Variants in NSD1 observed in about 807,000 individuals in gnomAD.
NSD1 encodes the protein nuclear receptor binding SET domain protein 1.
Under a neutral mutation model 242.7 loss-of-function variants are expected in NSD1, and 26 were observed. That is an observed-to-expected ratio of 0.11 (90% CI 0.08 to 0.15). The LOEUF (loss-of-function observed/expected upper bound fraction) is 0.15, where lower values mean the gene tolerates loss of function less well. NSD1 is among the 10% of genes least tolerant of loss of function. NSD1 has a pLI of 1.00. For synonymous variants in NSD1, 1,106 were observed against 1,178.1 expected (o/e 0.94, Z 1.25); for missense variants, 2,495 against 3,272.8 (o/e 0.76, Z 5.80).
intron 5 of NSD1, among the ~76,000 whole-genome samples, chr5:177,233,366 G>A (rs1454380789): frequency 6.6e-6 from 1 of 151,762 alleles, no homozygotes; most frequent in Non-Finnish European, 1.5e-5. Flanking sequence ...GCTGCACCCA[G>A]CCCCAAGGCA....
intron 2 of NSD1, among the ~76,000 whole-genome samples, chr5:177,177,510 CCAAAAACAA>C (rs1276994823): frequency 6.6e-6 from 1 of 151,626 alleles, no homozygotes; most frequent in Non-Finnish European, 1.5e-5. Context: ...ACTCTTTCTC[CCAAAAACAA>C]CAAAAAACAA....
Position 177,294,125 on chromosome 5 carries a change from A to C in NSD1, c.6757A>C (p.Lys2253Gln). Reference sequence around the variant, plus strand: ...TGCTCAGGCACCCAAAATGTCAGATAAACCTCCTGCTGACACCAACCAGAT... The same window carrying C: ...TGCTCAGGCACCCAAAATGTCAGATCAACCTCCTGCTGACACCAACCAGAT... The part of the protein sequence containing the change: ...MAAQAPKMSD[K>Q]PPADTNQMLS... Residue 2253 changes from lysine to glutamine, a missense_variant, in exon 23 of 23, where the codon AAA (lysine) becomes CAA (glutamine). By Grantham distance (53) the Lys-to-Gln change is moderately conservative. Transcript: ENST00000439151. 6.2e-7 allele frequency: 1 copy of C among 1,614,106 alleles called. No homozygotes were observed. Among genetic ancestry groups the C allele is most frequent in the Non-Finnish European group, 8.5e-7 (1 of 1,180,010 alleles).
chr5:177,264,139 G>A (rs939972241), intron 14 of NSD1, among the ~76,000 whole-genome samples: 15 of 147,876 alleles, frequency 1.0e-4, no homozygotes, highest in African/African-American at 2.8e-4. Context: ...GGGTTCAAGC[G>A]ATCCTCCTGC....
At chr5:177,244,892 G>A (rs1453919109) in intron 9 of NSD1, among the ~76,000 whole-genome samples, 1 of 152,172 alleles carries the variant, frequency 6.6e-6, no homozygotes, top group African/African-American at 2.4e-5. Context: ...CAATTTGCTT[G>A]TAAGATTTAA....
chr5:177,235,763 AAC>A, intron 5 of NSD1, 56 bp from the exon 6 acceptor site: 4 of 1,612,464 alleles, frequency 2.5e-6, no homozygotes, highest in Non-Finnish European at 2.5e-6. Context: ...GTCTCATAAA[AAC>A]AGTGGGTTTT....
intron 2 of NSD1, among the ~76,000 whole-genome samples, chr5:177,189,018 G>A (rs1761465726): frequency 6.6e-6 from 1 of 152,062 alleles, no homozygotes; most frequent in African/African-American, 2.4e-5. Flanking sequence ...ACTCCAGCCT[G>A]GGAGGCAGAG....
chr5:177,152,825 T>C (rs1757838828), intron 2 of NSD1, among the ~76,000 whole-genome samples: 1 of 151,252 alleles, frequency 6.6e-6, no homozygotes, highest in South Asian at 2.1e-4. Flanking sequence ...GCTGAAATTA[T>C]AGGCGTGTGC....
chr5:177,163,242 A>C (rs1363165835), intron 2 of NSD1, among the ~76,000 whole-genome samples: 1 of 150,894 alleles, frequency 6.6e-6, no homozygotes, highest in Non-Finnish European at 1.5e-5. Flanking sequence ...TACTGGGTTC[A>C]AGTGATTCTC....
At chr5:177,158,323 T>TCTTTC (rs1758370122) in intron 2 of NSD1, among the ~76,000 whole-genome samples, 1 of 149,990 alleles carries the variant, frequency 6.7e-6, no homozygotes, top group South Asian at 2.1e-4. Context: ...TTCTTTCTTT[T>TCTTTC]CTTTCTTTTC....
At chr5:177,145,521 C>T (rs1002133834) in intron 2 of NSD1, among the ~76,000 whole-genome samples, 27 of 152,144 alleles carry the variant, frequency 1.8e-4, no homozygotes, top group African/African-American at 6.3e-4. Context: ...TGGCTTCAGG[C>T]AATTCTCCTA....
At chr5:177,215,519 A>G (rs1167931118) in intron 5 of NSD1, among the ~76,000 whole-genome samples, 1 of 151,474 alleles carries the variant, frequency 6.6e-6, no homozygotes, top group African/African-American at 2.4e-5. Flanking sequence ...GCATTGGTGG[A>G]ACATAGGGTA....
rs745357119 is a variant in NSD1 at position 177,260,140 on chromosome 5, T to C, written c.5118T>C (p.Asn1706=). 7 of 1,614,124 alleles carry C rather than the reference T, an allele frequency of 4.3e-6. 1 individual carries two copies. The South Asian group carries it at 7.7e-5, about 18-fold the overall frequency. ...RRGCRNHEHV[N]VSWCFVCSEG... The stretch of plus-strand genomic sequence containing the variant: ...GCTGCCGAAATCATGAGCATGTTAA[T>C]GTTAGCTGGTGCTTTGTGTGCTCAG... The change falls in exon 14 of 23, where the codon AAT becomes AAC. Residue 1706 remains asparagine (N), a synonymous_variant. Transcript: ENST00000439151.
chr5:177,133,709 G>C (rs1288751211), upstream of NSD1: 2 of 148,816 alleles, frequency 1.3e-5, no homozygotes, highest in East Asian at 2.0e-4. This position sits in a 1 kb window ranked among gnomAD's most constrained non-coding sequence, Gnocchi z 6.2. Context: ...CACGCGGGCC[G>C]GCGCGAGGCG....
chr5:177,284,576 C>A (rs1759153072), intron 20 of NSD1, among the ~76,000 whole-genome samples: 1 of 152,204 alleles, frequency 6.6e-6, no homozygotes, highest in Admixed American at 6.5e-5. Flanking sequence ...CATGAGCCAC[C>A]TCGCTTAGCT....
chr5:177,135,426 A>G lies in NSD1; in HGVS notation c.323A>G (p.Gln108Arg), dbSNP rs746751817. 2.5e-6 allele frequency: 4 copies of G among 1,613,880 alleles called. No homozygotes were observed. The African/African-American group carries it at 4.0e-5, about 16-fold the overall frequency. Residue 108 changes from glutamine (Q) to arginine (R), a missense_variant, in exon 2 of 23, where the codon CAG (glutamine) becomes CGG (arginine). Physicochemically the swap from Gln to Arg is conservative, Grantham distance 43 (BLOSUM62 1). Transcript: ENST00000439151. ...CCTGAAAAAAGTGATTCAAGAGCTC[A>G]GACGCCAATTGTTTGCACTTCCTTG... ...QDPEKSDSRA[Q>R]TPIVCTSLSP... is the part of the protein sequence containing the mutation.
At position 177,283,819 on chromosome 5, in the gene NSD1, C is replaced by T. The variant is rs1262498618; in HGVS notation, c.6042C>T (p.Asn2014=). The T allele has an allele frequency of 6.2e-7, 1 of 1,614,186 alleles. No individual in the cohort carries two copies. Among genetic ancestry groups the T allele is most frequent in the South Asian group, 1.1e-5 (1 of 91,088 alleles). ...DRIIDAGPKG[N]YARFMNHCCQ... ...TCATTGATGCTGGTCCCAAAGGAAA[C>T]TATGCTCGGTTCATGAATCATTGCT... Residue 2014 remains asparagine (N), a synonymous_variant, in exon 20 of 23, where the codon AAC becomes AAT. Coordinates refer to ENST00000439151, the MANE Select transcript of NSD1 (RefSeq NM_022455.5).
At chr5:177,216,811 C>A (rs1313801622) in intron 5 of NSD1, among the ~76,000 whole-genome samples, 3 of 151,808 alleles carry the variant, frequency 2.0e-5, no homozygotes, top group Non-Finnish European at 4.4e-5. Context: ...TGTGAGCCAC[C>A]ACCCTGGCCA....
intron 2 of NSD1, among the ~76,000 whole-genome samples, chr5:177,186,164 G>A (rs375235523): frequency 2.2e-5 from 3 of 135,164 alleles, no homozygotes; most frequent in South Asian, 2.3e-4. Context: ...GGTGGTGTGC[G>A]TTTGTAGTCC....
chr5:177,271,770 G>A (rs1227556010), intron 16 of NSD1, among the ~76,000 whole-genome samples: 4 of 152,084 alleles, frequency 2.6e-5, no homozygotes, highest in Non-Finnish European at 4.4e-5. Context: ...CTTTAGCCTG[G>A]GACATTGTTG....
Sources: gnomAD v4.1 joint callset for allele counts (sites outside exome capture counted in the v4.1 genomes callset) on GRCh38, gnomAD v4.1.1 for gene constraint, Gnocchi (gnomAD v3.1) non-coding constraint, MANE v1.5 for transcripts, NCBI Gene and HGNC (gene_info 2026-07-23, HGNC 2026-07-21) for gene names.